The following SH3D19 variants were observed in gnomAD, a reference collection of about 807,000 sequenced individuals.
SH3D19 encodes the protein SH3 domain containing 19.
In SH3D19, 58 loss-of-function variants were observed where a neutral mutation model predicts 112.1. The ratio of observed to expected loss-of-function variants is 0.52; its 90% CI spans 0.42 to 0.64. The LOEUF (loss-of-function observed/expected upper bound fraction) is 0.64, where lower values mean the gene tolerates loss of function less well. Among genes scored for constraint, SH3D19 ranks in the 30% least tolerant of loss-of-function variants. The probability of loss-of-function intolerance (pLI) is 0.00; values close to 1 mark genes in which losing one functional copy is unlikely to be tolerated. For missense variants in SH3D19, 1,090 were observed against 1,263.4 expected (o/e 0.86, Z 2.08); for synonymous variants, 391 against 448.5 (o/e 0.87, Z 1.62).
intron 1 of SH3D19, among the ~76,000 whole-genome samples, chr4:151,311,111 A>ATATGTATGTATACATATATACATG: frequency 6.6e-6 from 1 of 151,210 alleles, no homozygotes. Flanking sequence ...AGGGAGATAT[A>ATATGTATGTATACATATATACATG]TATGTATGTA....
intron 1 of SH3D19, among the ~76,000 whole-genome samples, chr4:151,306,748 G>A (rs183458907): frequency 6.6e-6 from 1 of 152,124 alleles, no homozygotes; most frequent in East Asian, 1.9e-4. Flanking sequence ...TAGCAAACGC[G>A]CTGTAATTAA....
chr4:151,279,756 C>T, intron 1 of SH3D19: 1 of 1,593,942 alleles, frequency 6.3e-7, no homozygotes, highest in Non-Finnish European at 8.6e-7. Flanking sequence ...AGAAACAGGA[C>T]TCCTAGGTTT....
chr4:151,202,794 T>C (rs1281543181), intron 2 of SH3D19, among the ~76,000 whole-genome samples: 1 of 152,206 alleles, frequency 6.6e-6, no homozygotes, highest in Non-Finnish European at 1.5e-5. Flanking sequence ...AGCAAGTATT[T>C]ATATTTTATT....
In SH3D19 at chr4:151,175,482, G is replaced by A. The variant is rs1759800652; in HGVS notation, c.722C>T (p.Ser241Phe). 4 of 1,476,486 alleles carry A rather than the reference G, an allele frequency of 2.7e-6. No homozygotes were observed. The Admixed American group carries it at 1.1e-4, about 39-fold the overall frequency. The allele number at this position is 1,476,486 out of a possible 1,614,324, so 91.5% of individuals were successfully genotyped here. A position where few individuals can be genotyped will look rare whatever the true frequency, so the allele number is the denominator to read the frequency against. ...CTGTTGACTTTGCTCTTTAATGTGA[G>A]AATCTCTGGGTATTGGTCTGAGGTT... ...KSNLRPIPRD[S>F]HIKEQSQQKI... The change falls in exon 7 of 20, where the codon TCT becomes TTT. Residue 241 changes from serine (S) to phenylalanine (F), a missense_variant. Transcript: ENST00000604030.
At chr4:151,290,092 T>C (rs1775178525) in intron 1 of SH3D19, among the ~76,000 whole-genome samples, 1 of 152,300 alleles carries the variant, frequency 6.6e-6, no homozygotes, top group African/African-American at 2.4e-5. Context: ...ATGACAGGCA[T>C]ATGCCACCAT....
At chr4:151,167,683 C>T (rs1336477600) in intron 7 of SH3D19, among the ~76,000 whole-genome samples, 2 of 151,938 alleles carry the variant, frequency 1.3e-5, no homozygotes, top group African/African-American at 4.8e-5. Flanking sequence ...TGTCTCTGCC[C>T]GACCGCCGCC....
intron 1 of SH3D19, among the ~76,000 whole-genome samples, chr4:151,243,839 G>GT (rs1561395832): frequency 6.6e-6 from 1 of 152,228 alleles, no homozygotes; most frequent in Non-Finnish European, 1.5e-5. Flanking sequence ...GAGTACTGCA[G>GT]TTTGAGAATT....
intron 1 of SH3D19, chr4:151,261,614 G>C (rs1474666523): frequency 6.6e-6 from 1 of 152,158 alleles, no homozygotes; most frequent in East Asian, 1.9e-4. Context: ...CTCTATCCTA[G>C]CCCTAGAGCA....
chr4:151,302,846 C>T (rs934616748), intron 1 of SH3D19, among the ~76,000 whole-genome samples: 1 of 144,656 alleles, frequency 6.9e-6, no homozygotes, highest in African/African-American at 2.5e-5. Context: ...GGGTGGGGAA[C>T]ATCACACACC....
intron 1 of SH3D19, among the ~76,000 whole-genome samples, chr4:151,260,643 G>C (rs182279162): frequency 8.5e-5 from 13 of 152,272 alleles, no homozygotes; most frequent in Admixed American, 3.9e-4. Context: ...TCCCTGCTTT[G>C]AATCCCCCAG....
chr4:151,291,482 G>A, intron 1 of SH3D19: 2 of 1,432,954 alleles, frequency 1.4e-6, no homozygotes. Context: ...CTAACCCTGG[G>A]TGACTTTATT....
intron 11 of SH3D19, 31 bp from the exon 12 acceptor site, chr4:151,144,081 A>G: frequency 6.3e-7 from 1 of 1,593,098 alleles, no homozygotes; most frequent in Non-Finnish European, 8.5e-7. Context: ...CTCTGAAGCA[A>G]TTATTATTTA....
intron 2 of SH3D19, among the ~76,000 whole-genome samples, chr4:151,217,194 G>C (rs768258817): frequency 1.3e-5 from 2 of 152,106 alleles, no homozygotes; most frequent in Non-Finnish European, 2.9e-5. Context: ...ACTAACCCCA[G>C]CAGAGCATGG....
At chr4:151,288,677 AAAAAAAG>A (rs990185723) in intron 1 of SH3D19, among the ~76,000 whole-genome samples, 2 of 152,184 alleles carry the variant, frequency 1.3e-5, no homozygotes, top group Non-Finnish European at 1.5e-5. Flanking sequence ...CTGTCTTAAA[AAAAAAAG>A]AAAAAAGAAA....
At chr4:151,136,880 T>C (rs1185027383) in intron 14 of SH3D19, among the ~76,000 whole-genome samples, 1 of 152,264 alleles carries the variant, frequency 6.6e-6, no homozygotes, top group African/African-American at 2.4e-5. Context: ...TCATTTCTAT[T>C]TGAAGAATTC....
chr4:151,210,257 A>T (rs1765743372), intron 2 of SH3D19, among the ~76,000 whole-genome samples: 1 of 152,222 alleles, frequency 6.6e-6, no homozygotes, highest in Admixed American at 6.5e-5. Flanking sequence ...GATTATTTAC[A>T]ATAGTAAAAT....
At chr4:151,145,400 C>A (rs1445642970) in intron 11 of SH3D19, among the ~76,000 whole-genome samples, 6 of 152,086 alleles carry the variant, frequency 3.9e-5, no homozygotes, top group African/African-American at 1.2e-4. Context: ...CCCAACTAAT[C>A]AATCGACCTT....
chr4:151,269,600 A>G (rs1405678142), intron 1 of SH3D19, among the ~76,000 whole-genome samples: 1 of 152,138 alleles, frequency 6.6e-6, no homozygotes, highest in Admixed American at 6.5e-5. Flanking sequence ...TCTTTAATCC[A>G]TCTAAGTGTA....
At position 151,144,034 on chromosome 4, in the gene SH3D19, A is replaced by G. The variant is rs958985352; in HGVS notation, c.2099T>C (p.Val700Ala). Residue 700 changes from valine (V) to alanine (A), a missense_variant, in exon 12 of 20, where the codon GTG (valine) becomes GCG (alanine). Physicochemically the swap from Val to Ala is moderately conservative, Grantham distance 64. Coordinates refer to ENST00000604030, the MANE Select transcript of SH3D19 (RefSeq NM_001378122.1). Reference sequence around the variant, plus strand: ...ATTATTTTCCGTCTGCTTCAGCATCACAAGTACATCCCCACGCTGCAAGGT... The same window carrying G: ...ATTATTTTCCGTCTGCTTCAGCATCGCAAGTACATCCCCACGCTGCAAGGT... ...YSKYMRGDVL[V>A]MLKQTENNYL... 1.2e-6 allele frequency: 2 copies of G among 1,613,858 alleles called. No individual in the cohort carries two copies. Among genetic ancestry groups the G allele is most frequent in the African/African-American group, 2.7e-5 (2 of 74,906 alleles).
Sources: gnomAD v4.1 joint callset for allele counts (sites outside exome capture counted in the v4.1 genomes callset) on GRCh38, gnomAD v4.1.1 for gene constraint, MANE v1.5 for transcripts, NCBI Gene and HGNC (gene_info 2026-07-23, HGNC 2026-07-21) for gene names.